KCNQ1OT1: variants seen among roughly 807,000 people sequenced by gnomAD.
KCNQ1OT1 encodes the protein KCNQ1 antisense RNA 2 (non-protein coding).
At chr11:2,619,970 G>A (rs1251674101) in exon 1 of KCNQ1OT1, 1 of 397,738 alleles carries the variant, frequency 2.5e-6, no homozygotes, top group Non-Finnish European at 4.4e-6. Flanking sequence ...TATCACCCAG[G>A]TAGTGAGCAT....
At chr11:2,622,106 T>C (rs1849183052) in exon 1 of KCNQ1OT1, 3 of 398,274 alleles carry the variant, frequency 7.5e-6, no homozygotes, top group Non-Finnish European at 1.3e-5. Context: ...TTTAAGTTTC[T>C]GTTTTCATTT....
rs568986352 is a variant in KCNQ1OT1 at position 2,651,067 on chromosome 11, A to G, written n.48928T>C. ...CATTTCTCTGCCTACATTGTTGTCC[A>G]TACCTCATTACTGGTCTCTTGATTT... On this transcript the variant is annotated non_coding_transcript_exon_variant, in exon 1 of 1. Coordinates refer to ENST00000597346, the Ensembl canonical transcript of KCNQ1OT1. The surrounding 1 kb of genome is among the most constrained non-coding windows in gnomAD (Gnocchi z 6.1). 5.0e-6 allele frequency: 2 copies of G among 398,820 alleles called. No homozygotes were observed. Among genetic ancestry groups the G allele is most frequent in the East Asian group, 7.1e-5 (2 of 28,090 alleles). 24.7% of individuals were successfully genotyped at this position (398,820 alleles called of 1,614,324 possible).
exon 1 of KCNQ1OT1, chr11:2,660,388 C>T (rs1849930547): frequency 1.0e-5 from 4 of 397,558 alleles, no homozygotes; most frequent in Middle Eastern, 6.3e-4. Flanking sequence ...GAAAACCTTC[C>T]TTTTTTATAA....
At chr11:2,667,775 G>A (rs1031170509) in exon 1 of KCNQ1OT1, 8 of 398,582 alleles carry the variant, frequency 2.0e-5, no homozygotes, top group Non-Finnish European at 2.7e-5. Context: ...GAAGGCCAGG[G>A]CTATCCACCT....
At chr11:2,648,806 G>T in exon 1 of KCNQ1OT1, 1 of 398,420 alleles carries the variant, frequency 2.5e-6, no homozygotes, top group East Asian at 3.6e-5. Context: ...AGTATGAAAT[G>T]TTGCCATCCC....
chr11:2,652,370 A>G lies in KCNQ1OT1; in HGVS notation n.47625T>C. On this transcript the variant is annotated non_coding_transcript_exon_variant, in exon 1 of 1. Coordinates refer to ENST00000597346, the Ensembl canonical transcript of KCNQ1OT1. The surrounding 1 kb of genome is among the most constrained non-coding windows in gnomAD (Gnocchi z 5.9). Reference sequence around the variant, plus strand: ...GCGATGTTGTGATGAAGGTGAAAAGATCGCTCTTAATTAGATTAAAAACAT... The same window carrying G: ...GCGATGTTGTGATGAAGGTGAAAAGGTCGCTCTTAATTAGATTAAAAACAT... The G allele has an allele frequency of 2.5e-6, 1 of 398,656 alleles. No homozygotes were observed. Among genetic ancestry groups the G allele is most frequent in the Non-Finnish European group, 4.4e-6 (1 of 226,070 alleles). The allele number at this position is 398,656 out of a possible 1,614,324, so 24.7% of individuals were successfully genotyped here. A position where few individuals can be genotyped will look rare whatever the true frequency, so the allele number is the denominator to read the frequency against.
In KCNQ1OT1 at chr11:2,676,350, G is replaced by T. The variant is rs1217457951; in HGVS notation, n.23645C>A. The stretch of plus-strand genomic sequence containing the variant: ...TGTAGTTGAAGTGCTGTTTTCTCAT[G>T]GTTGGGCTTCCAGTATAATTGGAAG... On this transcript the variant is annotated non_coding_transcript_exon_variant, in exon 1 of 1. Transcript: ENST00000597346. This position sits in a 1 kb window ranked among gnomAD's most constrained non-coding sequence, Gnocchi z 4.2. The T allele has an allele frequency of 4.3e-5, 17 of 398,516 alleles. No homozygotes were observed. The Admixed American group carries it at 7.0e-4, about 17-fold the overall frequency. 24.7% of individuals were successfully genotyped at this position (398,516 alleles called of 1,614,324 possible). A position where few individuals can be genotyped will look rare whatever the true frequency, so the allele number is the denominator to read the frequency against.
In KCNQ1OT1 at chr11:2,685,526, C is replaced by T. The variant is rs543461646; in HGVS notation, n.14469G>A. On this transcript the variant is annotated non_coding_transcript_exon_variant, in exon 1 of 1. Coordinates refer to ENST00000597346, the Ensembl canonical transcript of KCNQ1OT1. ...ATCCAGACAGGAGACGCTAGTCCTACAGGTGCAGTGGGAGGATCTGCAGAT... is the reference window on the plus strand; with the variant it reads ...ATCCAGACAGGAGACGCTAGTCCTATAGGTGCAGTGGGAGGATCTGCAGAT... 21 of 398,750 alleles carry T rather than the reference C, an allele frequency of 5.3e-5. No individual in the cohort carries two copies. In the South Asian group the frequency reaches 1.0e-3, roughly 19 times the overall value. The allele number at this position is 398,750 out of a possible 1,614,324, so 24.7% of individuals were successfully genotyped here.
Position 2,626,230 on chromosome 11 carries a change from T to C in KCNQ1OT1, n.73765A>G, listed in dbSNP as rs1849260148. On this transcript the variant is annotated non_coding_transcript_exon_variant, in exon 1 of 1. Transcript: ENST00000597346. This position sits in a 1 kb window ranked among gnomAD's most constrained non-coding sequence, Gnocchi z 4.0. The stretch of plus-strand genomic sequence containing the variant: ...ATTTTGAGTAAGTTTTTGTACACAG[T>C]GTTAGGTAAGGGTCTCAACTTCATT... 7.5e-6 allele frequency: 3 copies of C among 398,434 alleles called. No individual in the cohort carries two copies. Among genetic ancestry groups the C allele is most frequent in the Non-Finnish European group, 1.3e-5 (3 of 226,066 alleles). The allele number at this position is 398,434 out of a possible 1,614,324, so 24.7% of individuals were successfully genotyped here. A position where few individuals can be genotyped will look rare whatever the true frequency, so the allele number is the denominator to read the frequency against.
In KCNQ1OT1 at chr11:2,663,628, C is replaced by T. The variant is rs1850009684; in HGVS notation, n.36367G>A. The T allele has an allele frequency of 5.0e-6, 2 of 398,592 alleles. No individual in the cohort carries two copies. Among genetic ancestry groups the T allele is most frequent in the Non-Finnish European group, 8.8e-6 (2 of 226,130 alleles). 24.7% of individuals were successfully genotyped at this position (398,592 alleles called of 1,614,324 possible). A position where few individuals can be genotyped will look rare whatever the true frequency, so the allele number is the denominator to read the frequency against. On this transcript the variant is annotated non_coding_transcript_exon_variant, in exon 1 of 1. Transcript: ENST00000597346. This position sits in a 1 kb window ranked among gnomAD's most constrained non-coding sequence, Gnocchi z 5.2. ...TCTTGGTCACGGACCAGCATCCAGA[C>T]ATGCAAAAAGTCCTACTGGGAGGAG...
Position 2,677,131 on chromosome 11 carries a change from C to G in KCNQ1OT1, n.22864G>C. On this transcript the variant is annotated non_coding_transcript_exon_variant, in exon 1 of 1. Coordinates refer to ENST00000597346, the Ensembl canonical transcript of KCNQ1OT1. The surrounding 1 kb of genome is among the most constrained non-coding windows in gnomAD (Gnocchi z 4.5). ...TGAAATTAGTTTCCCTGAAACATCC[C>G]TCCCTATTGAACACTGTTGTTTCTC... 2.5e-6 allele frequency: 1 copy of G among 398,578 alleles called. No individual in the cohort carries two copies. Among genetic ancestry groups the G allele is most frequent in the Non-Finnish European group, 4.4e-6 (1 of 226,054 alleles). 24.7% of individuals were successfully genotyped at this position (398,578 alleles called of 1,614,324 possible). A position where few individuals can be genotyped will look rare whatever the true frequency, so the allele number is the denominator to read the frequency against.
At position 2,621,023 on chromosome 11, in the gene KCNQ1OT1, G is replaced by C. The variant is rs1272945594; in HGVS notation, n.78972C>G. ...GAAAGAGTCTTGCTCTGTCTCCCAGGCTGGAGTGCAGTGGCGCAATCTCGG... is the reference window on the plus strand; with the variant it reads ...GAAAGAGTCTTGCTCTGTCTCCCAGCCTGGAGTGCAGTGGCGCAATCTCGG... On this transcript the variant is annotated non_coding_transcript_exon_variant, in exon 1 of 1. Transcript: ENST00000597346. The surrounding 1 kb of genome is among the most constrained non-coding windows in gnomAD (Gnocchi z 5.7). 2.5e-6 allele frequency: 1 copy of C among 396,676 alleles called. No homozygotes were observed. Among genetic ancestry groups the C allele is most frequent in the Non-Finnish European group, 4.4e-6 (1 of 225,800 alleles). The allele number at this position is 396,676 out of a possible 1,614,324, so 24.6% of individuals were successfully genotyped here. A position where few individuals can be genotyped will look rare whatever the true frequency, so the allele number is the denominator to read the frequency against.
exon 1 of KCNQ1OT1, chr11:2,655,266 A>G (rs1290011303): frequency 5.0e-6 from 2 of 398,592 alleles, no homozygotes; most frequent in Non-Finnish European, 8.8e-6. Flanking sequence ...ACTTTCCTAG[A>G]AAACAAAATT....
In KCNQ1OT1 at chr11:2,690,399, T is replaced by G; in HGVS notation, n.9596A>C. ...AACATGTGCCAGACCAAAAGAGCTA[T>G]CTCTCTCCCTGCGAAAGGCTGGGGT... On this transcript the variant is annotated non_coding_transcript_exon_variant, in exon 1 of 1. Transcript: ENST00000597346. The surrounding 1 kb of genome is among the most constrained non-coding windows in gnomAD (Gnocchi z 5.1). 2.5e-6 allele frequency: 1 copy of G among 398,666 alleles called. No homozygotes were observed. The highest frequency in any genetic ancestry group is 4.4e-5 in the Admixed American group (1 of 22,734). 24.7% of individuals were successfully genotyped at this position (398,666 alleles called of 1,614,324 possible).
At position 2,691,059 on chromosome 11, in the gene KCNQ1OT1, A is replaced by C; in HGVS notation, n.8936T>G. On this transcript the variant is annotated non_coding_transcript_exon_variant, in exon 1 of 1. Transcript: ENST00000597346. This position sits in a 1 kb window ranked among gnomAD's most constrained non-coding sequence, Gnocchi z 6.4. Reference sequence around the variant, plus strand: ...TCAGGATATGCTGGGTGAGGGAAATAATGGAGGCACCTTTGTTCTAGATGC... The same window carrying C: ...TCAGGATATGCTGGGTGAGGGAAATCATGGAGGCACCTTTGTTCTAGATGC... The C allele has an allele frequency of 2.5e-6, 1 of 398,618 alleles. No individual in the cohort carries two copies. The highest frequency in any genetic ancestry group is 4.4e-6 in the Non-Finnish European group (1 of 226,068). The allele number at this position is 398,618 out of a possible 1,614,324, so 24.7% of individuals were successfully genotyped here.
chr11:2,658,015 T>C lies in KCNQ1OT1; in HGVS notation n.41980A>G. On this transcript the variant is annotated non_coding_transcript_exon_variant, in exon 1 of 1. Coordinates refer to ENST00000597346, the Ensembl canonical transcript of KCNQ1OT1. This position sits in a 1 kb window ranked among gnomAD's most constrained non-coding sequence, Gnocchi z 4.9. ...GTAAGTGAATAGCTGTTTTTCCCTT[T>C]CCATAGCTTAGTCTTTAGAAGCGAG... 2.5e-6 allele frequency: 1 copy of C among 398,570 alleles called. No individual in the cohort carries two copies. The highest frequency in any genetic ancestry group is 4.4e-6 in the Non-Finnish European group (1 of 226,050). The allele number at this position is 398,570 out of a possible 1,614,324, so 24.7% of individuals were successfully genotyped here. A position where few individuals can be genotyped will look rare whatever the true frequency, so the allele number is the denominator to read the frequency against.
In KCNQ1OT1 at chr11:2,663,903, G is replaced by A. The variant is rs537396223; in HGVS notation, n.36092C>T. On this transcript the variant is annotated non_coding_transcript_exon_variant, in exon 1 of 1. Coordinates refer to ENST00000597346, the Ensembl canonical transcript of KCNQ1OT1. The surrounding 1 kb of genome is among the most constrained non-coding windows in gnomAD (Gnocchi z 5.2). ...GGTGACCCCAAGCCAGTGTGGCTGT[G>A]TCATCTAGGACACTGGGCTGTTTCT... 3 of 398,710 alleles carry A rather than the reference G, an allele frequency of 7.5e-6. No homozygotes were observed. Among genetic ancestry groups the A allele is most frequent in the African/African-American group, 6.2e-5 (3 of 48,766 alleles). 24.7% of individuals were successfully genotyped at this position (398,710 alleles called of 1,614,324 possible).
chr11:2,629,389 A>G (rs536888223), exon 1 of KCNQ1OT1: 1 of 398,298 alleles, frequency 2.5e-6, no homozygotes, highest in African/African-American at 2.1e-5. Flanking sequence ...ATTATATCCA[A>G]ATGAAGTCAA....
chr11:2,667,802 G>A, exon 1 of KCNQ1OT1: 1 of 398,686 alleles, frequency 2.5e-6, no homozygotes, highest in South Asian at 1.3e-4. Context: ...GCTCACCTGG[G>A]CTACCCTGGT....
Sources: gnomAD v4.1 joint callset for allele counts on GRCh38, gnomAD v4.1.1 for gene constraint, Gnocchi (gnomAD v3.1) non-coding constraint, MANE v1.5 for transcripts, NCBI Gene and HGNC (gene_info 2026-07-23, HGNC 2026-07-21) for gene names.